MAP2K6: variants seen among roughly 807,000 people sequenced by gnomAD.
MAP2K6 encodes the protein dual specificity mitogen-activated protein kinase kinase 6.
In MAP2K6, 16 loss-of-function variants were observed where a neutral mutation model predicts 53.7. The ratio of observed to expected loss-of-function variants is 0.30; its 90% CI spans 0.20 to 0.45. MAP2K6 has a LOEUF of 0.45. Among genes scored for constraint, MAP2K6 ranks in the 20% least tolerant of loss-of-function variants. MAP2K6 has a pLI of 1.00. For missense variants in MAP2K6, 204 were observed against 411.9 expected, an observed-to-expected ratio of 0.50 and a Z score of 4.37; for synonymous variants, 132 against 143.1, an observed-to-expected ratio of 0.92 and a Z score of 0.55.
chr17:69,497,801 G>T (rs1175611452), intron 1 of MAP2K6, among the ~76,000 whole-genome samples: 1 of 152,048 alleles, frequency 6.6e-6, no homozygotes, highest in Non-Finnish European at 1.5e-5. Flanking sequence ...AGTCTTGATT[G>T]TCAAAATCCC....
Position 69,533,895 on chromosome 17 carries a change from A to AATGTG in MAP2K6, c.882-2219_882-2215dup, listed in dbSNP as rs201935194. Among the ~76,000 whole-genome samples, 5 of 152,182 alleles carry AATGTG rather than the reference A, an allele frequency of 3.3e-5. No homozygotes were observed. The East Asian group carries it at 9.7e-4, about 30-fold the overall frequency. ...GAGGGCAGGAGACGGTCGTGGTGAG[A>AATGTG]ATGTGCTTAAAGACAAAGACAAACC... On this transcript the variant is annotated intron_variant, in intron 10 of 11. Coordinates refer to ENST00000590474, the MANE Select transcript of MAP2K6 (RefSeq NM_002758.4).
In MAP2K6 at chr17:69,495,655, C is replaced by G. The variant is rs1183698977; in HGVS notation, c.17-10125C>G. Among the ~76,000 whole-genome samples the G allele has an allele frequency of 1.3e-5, 2 of 152,028 alleles. 1 individual carries two copies. The highest frequency in any genetic ancestry group is 2.9e-5 in the Non-Finnish European group (2 of 68,018). On this transcript the variant is annotated intron_variant, in intron 1 of 11. Coordinates refer to ENST00000590474, the MANE Select transcript of MAP2K6 (RefSeq NM_002758.4). ...TCCTATTTTATCTGTATCTCTATCC[C>G]CCACTCTGCCTTTTTTTTTGAAGCA...
rs372347788 is a variant in MAP2K6 at position 69,536,083 on chromosome 17, T to C, written c.882-32T>C. On this transcript the variant is annotated intron_variant, in intron 10 of 11. Coordinates refer to ENST00000590474, the MANE Select transcript of MAP2K6 (RefSeq NM_002758.4). ...GTCTAATGAAAATATATATGGCTTC[T>C]AGATTTTAATGATTATTTTTTTTTC... The C allele has an allele frequency of 6.2e-6, 9 of 1,444,972 alleles. No individual in the cohort carries two copies. The African/African-American group carries it at 1.3e-4, about 20-fold the overall frequency. 89.5% of individuals were successfully genotyped at this position (1,444,972 alleles called of 1,614,324 possible).
intron 1 of MAP2K6, among the ~76,000 whole-genome samples, chr17:69,455,037 T>A (rs769625041): frequency 0.033 from 842 of 25,206 alleles, 5 homozygotes; most frequent in Non-Finnish European, 0.049. Flanking sequence ...CTATTATTAT[T>A]TTTTTTTTTT....
rs1911933247 is a variant in MAP2K6, at chr17:69,547,739, GTACT to G, written c.*5992_*5995del. 2 of 152,230 alleles carry G rather than the reference GTACT, an allele frequency of 1.3e-5. No homozygotes were observed. The highest frequency in any genetic ancestry group is 4.8e-5 in the African/African-American group (2 of 41,464). 9.4% of individuals were successfully genotyped at this position (152,230 alleles called of 1,614,324 possible). A position where few individuals can be genotyped will look rare whatever the true frequency, so the allele number is the denominator to read the frequency against. The stretch of plus-strand genomic sequence containing the variant: ...ACAATTTTCTTCAGATCAAACTGAA[GTACT>G]TACTTTTTCCATTTCTATGCAATCA... On this transcript the variant is annotated 3_prime_UTR_variant, in exon 12 of 12. Transcript: ENST00000590474.
chr17:69,534,264 G>T (rs569067610), intron 10 of MAP2K6, among the ~76,000 whole-genome samples: 325 of 152,210 alleles, frequency 2.1e-3, no homozygotes, highest in Non-Finnish European at 4.1e-3. Flanking sequence ...GGAGTTACAC[G>T]GACTCATTCA....
rs1398949869 is a variant in MAP2K6 at position 69,551,484 on chromosome 17, C to T, written c.*9731C>T. On this transcript the variant is annotated 3_prime_UTR_variant, in exon 12 of 12. Coordinates refer to ENST00000590474, the MANE Select transcript of MAP2K6 (RefSeq NM_002758.4). Reference sequence around the variant, plus strand: ...GTGAATTCTGACAGTGTTCTGTTTGCCACTAGAGCAAATTTAATAGCTGGG... The same window carrying T: ...GTGAATTCTGACAGTGTTCTGTTTGTCACTAGAGCAAATTTAATAGCTGGG... 6.6e-6 allele frequency: 1 copy of T among 152,180 alleles called. No homozygotes were observed. The highest frequency in any genetic ancestry group is 1.5e-5 in the Non-Finnish European group (1 of 68,032). 9.4% of individuals were successfully genotyped at this position (152,180 alleles called of 1,614,324 possible).
chr17:69,441,316 C>G (rs1456112667), intron 1 of MAP2K6, among the ~76,000 whole-genome samples: 1 of 151,680 alleles, frequency 6.6e-6, no homozygotes, highest in African/African-American at 2.4e-5. Context: ...GATTTTTTTT[C>G]AGGTCTATTT....
intron 1 of MAP2K6, among the ~76,000 whole-genome samples, chr17:69,474,907 G>A (rs1295611009): frequency 6.6e-6 from 1 of 152,082 alleles, no homozygotes; most frequent in African/African-American, 2.4e-5. Context: ...AATTTAAAAG[G>A]CAGCATGTCT....
chr17:69,497,580 C>A (rs1267746894), intron 1 of MAP2K6, among the ~76,000 whole-genome samples: 1 of 151,542 alleles, frequency 6.6e-6, no homozygotes, highest in African/African-American at 2.4e-5. Context: ...GAAAAACATA[C>A]ATGACTTCTC....
chr17:69,520,881 A>C (rs1316492620), intron 6 of MAP2K6, 168 bp from the exon 7 acceptor site: 1 of 539,648 alleles, frequency 1.9e-6, no homozygotes. Flanking sequence ...TGGTGGATGG[A>C]GTCCAATTTG....
At chr17:69,418,972 T>C (rs1905990518) in intron 1 of MAP2K6, among the ~76,000 whole-genome samples, 1 of 152,212 alleles carries the variant, frequency 6.6e-6, no homozygotes, top group Non-Finnish European at 1.5e-5. Context: ...CACCCAGAGC[T>C]AATTACTGTT....
At chr17:69,475,174 T>TTG (rs1567831168) in intron 1 of MAP2K6, among the ~76,000 whole-genome samples, 1 of 146,710 alleles carries the variant, frequency 6.8e-6, no homozygotes, top group African/African-American at 2.5e-5. Flanking sequence ...GTTTTTTTTT[T>TTG]TTTTTTTTTT....
At chr17:69,415,359 G>A (rs2145120563) in intron 1 of MAP2K6, among the ~76,000 whole-genome samples, 1 of 152,278 alleles carries the variant, frequency 6.6e-6, no homozygotes, top group East Asian at 1.9e-4. Context: ...AATTTTGTAT[G>A]CAACAGGAAT....
At chr17:69,428,966 G>A (rs1004663382) in intron 1 of MAP2K6, among the ~76,000 whole-genome samples, 1 of 121,090 alleles carries the variant, frequency 8.3e-6, no homozygotes, top group Non-Finnish European at 1.8e-5. Flanking sequence ...ACACGTTGTT[G>A]TATTGATTCC....
In MAP2K6 at chr17:69,456,108, G is replaced by A. The variant is rs146757864; in HGVS notation, c.16+41108G>A. ...ACTCCTGACCTCAGTAGATCCGCCCGCATCGGCCTCCCAAAGTGCTGGGAT... is the reference window on the plus strand; with the variant it reads ...ACTCCTGACCTCAGTAGATCCGCCCACATCGGCCTCCCAAAGTGCTGGGAT... On this transcript the variant is annotated intron_variant, in intron 1 of 11. Coordinates refer to ENST00000590474, the MANE Select transcript of MAP2K6 (RefSeq NM_002758.4). Among the ~76,000 whole-genome samples the A allele has an allele frequency of 2.2e-3, 339 of 152,176 alleles. 2 individuals are homozygous for A. Among genetic ancestry groups the A allele is most frequent in the Middle Eastern group, 6.8e-3 (2 of 294 alleles).
At position 69,466,825 on chromosome 17, in the gene MAP2K6, G is replaced by A. The variant is rs1251629878; in HGVS notation, c.17-38955G>A. On this transcript the variant is annotated intron_variant, in intron 1 of 11. Coordinates refer to ENST00000590474, the MANE Select transcript of MAP2K6 (RefSeq NM_002758.4). ...GGCCTGTTCCAGGTTCAAAGATCTA[G>A]GATTCACTTATGTTATCAGTTAAAT... 3.3e-5 allele frequency among the ~76,000 whole-genome samples: 5 copies of A among 152,272 alleles called. 1 individual carries two copies. In the South Asian group the frequency reaches 1.0e-3, roughly 32 times the overall value.
intron 1 of MAP2K6, among the ~76,000 whole-genome samples, chr17:69,439,285 C>T (rs1906742347): frequency 1.3e-5 from 2 of 152,166 alleles, no homozygotes; most frequent in South Asian, 4.1e-4. Flanking sequence ...TGCCTCTTTT[C>T]TTAAAAAGAT....
In MAP2K6 at chr17:69,549,657, C is replaced by CCAAA. The variant is rs1912017677; in HGVS notation, c.*7907_*7910dup. 6.6e-6 allele frequency: 1 copy of CCAAA among 152,162 alleles called. No individual in the cohort carries two copies. Among genetic ancestry groups the CCAAA allele is most frequent in the Non-Finnish European group, 1.5e-5 (1 of 68,016 alleles). 9.4% of individuals were successfully genotyped at this position (152,162 alleles called of 1,614,324 possible). Reference sequence around the variant, plus strand: ...GAAAAGTTTAAGCAAAACCCTCATTCCAAACATGCGACCTTATAATAAGAA... The same window carrying CCAAA: ...GAAAAGTTTAAGCAAAACCCTCATTCCAAACAAACATGCGACCTTATAATAAGAA... On this transcript the variant is annotated 3_prime_UTR_variant, in exon 12 of 12. Transcript: ENST00000590474.
Sources: gnomAD v4.1 joint callset for allele counts (sites outside exome capture counted in the v4.1 genomes callset) on GRCh38, gnomAD v4.1.1 for gene constraint, MANE v1.5 for transcripts, NCBI Gene and HGNC (gene_info 2026-07-23, HGNC 2026-07-21) for gene names.